PTPRM: variants seen among roughly 807,000 people sequenced by gnomAD.
PTPRM encodes protein tyrosine phosphatase receptor type M.
A neutral mutation model predicts 186.7 loss-of-function variants in PTPRM; 47 were observed. That is an observed-to-expected ratio of 0.25 (90% CI 0.20 to 0.32). The LOEUF is 0.32. Among genes scored for constraint, PTPRM ranks in the 10% least tolerant of loss-of-function variants. The pLI is 1.00. For synonymous variants in PTPRM, 668 were observed against 674.9 expected (o/e 0.99, Z 0.16); for missense variants, 1,494 against 1,865.0 (o/e 0.80, Z 3.66).
chr18:7,691,446 G>A (rs192991460), intron 1 of PTPRM, among the ~76,000 whole-genome samples: 30 of 149,148 alleles, frequency 2.0e-4, no homozygotes, highest in African/African-American at 4.4e-4. Flanking sequence ...ACCGATGTTT[G>A]TGGGAGGAGT....
At chr18:8,225,584 G>A (rs574692788) in intron 14 of PTPRM, among the ~76,000 whole-genome samples, 2 of 152,286 alleles carry the variant, frequency 1.3e-5, no homozygotes, top group Admixed American at 6.5e-5. Context: ...AAGTGGGTCA[G>A]CCGTTGCTTC....
At chr18:7,739,292 T>C (rs760047175) in intron 1 of PTPRM, among the ~76,000 whole-genome samples, 18 of 152,162 alleles carry the variant, frequency 1.2e-4, no homozygotes, top group Admixed American at 1.2e-3. Context: ...AGGATCAGCT[T>C]TGATGATTGC....
intron 1 of PTPRM, among the ~76,000 whole-genome samples, chr18:7,701,984 T>C (rs563053808): frequency 6.6e-6 from 1 of 152,290 alleles, no homozygotes; most frequent in East Asian, 1.9e-4. Context: ...TTGCTGAGAA[T>C]GATGGTTTCC....
Position 8,138,404 on chromosome 18 carries a change from C to T in PTPRM, c.2168-5243C>T, listed in dbSNP as rs150260233. Among the ~76,000 whole-genome samples, 119 of 152,254 alleles carry T rather than the reference C, an allele frequency of 7.8e-4. 1 individual carries two copies. In the East Asian group the frequency reaches 0.016, roughly 21 times the overall value. On this transcript the variant is annotated intron_variant, in intron 13 of 32. Coordinates refer to ENST00000580170, the MANE Select transcript of PTPRM (RefSeq NM_001105244.2). Reference sequence around the variant, plus strand: ...CTTAGCCCCCTTCCAACCCTGTCTTCTGTGTCCTTGGAACTCCTGGTTGGC... The same window carrying T: ...CTTAGCCCCCTTCCAACCCTGTCTTTTGTGTCCTTGGAACTCCTGGTTGGC...
At chr18:8,000,742 A>G (rs1224092908) in intron 7 of PTPRM, among the ~76,000 whole-genome samples, 1 of 152,228 alleles carries the variant, frequency 6.6e-6, no homozygotes, top group East Asian at 1.9e-4. Flanking sequence ...CACACCATAT[A>G]TCATGAAGTC....
intron 32 of PTPRM, among the ~76,000 whole-genome samples, chr18:8,395,674 C>A (rs2095842022): frequency 6.6e-6 from 1 of 152,148 alleles, no homozygotes; most frequent in South Asian, 2.1e-4. Flanking sequence ...ACACTCTCAC[C>A]CATCAGCTGT....
At chr18:7,984,957 TTA>T (rs2082808813) in intron 7 of PTPRM, among the ~76,000 whole-genome samples, 1 of 121,578 alleles carries the variant, frequency 8.2e-6, no homozygotes, top group Admixed American at 9.1e-5. Flanking sequence ...ACATATATAA[TTA>T]TATACATATA....
chr18:8,315,062 A>G lies in PTPRM; in HGVS notation c.2919+205A>G, dbSNP rs146810893. Among the ~76,000 whole-genome samples the G allele has an allele frequency of 0.011, 1,717 of 152,334 alleles. 11 individuals are homozygous for G. The highest frequency in any genetic ancestry group is 0.022 in the African/African-American group (917 of 41,580). On this transcript the variant is annotated intron_variant, in intron 21 of 32. Coordinates refer to ENST00000580170, the MANE Select transcript of PTPRM (RefSeq NM_001105244.2). ...TTGGGCTCAATCTAAAAGCAAACAC[A>G]TGAATATTACCCTGCACACCACAGA... is the stretch of plus-strand genomic sequence containing the variant.
intron 7 of PTPRM, among the ~76,000 whole-genome samples, chr18:8,028,985 T>C (rs2085758339): frequency 1.3e-5 from 2 of 152,250 alleles, no homozygotes. Context: ...AGGAAATGAA[T>C]GTGTAGGTCT....
intron 8 of PTPRM, among the ~76,000 whole-genome samples, chr18:8,070,957 G>T (rs1297250488): frequency 6.6e-6 from 1 of 152,180 alleles, no homozygotes; most frequent in Non-Finnish European, 1.5e-5. Context: ...TTCATTTAAA[G>T]AGCTAAAAAA....
intron 1 of PTPRM, among the ~76,000 whole-genome samples, chr18:7,735,510 C>G (rs181363174): frequency 1.3e-5 from 2 of 152,148 alleles, no homozygotes; most frequent in African/African-American, 4.8e-5. Flanking sequence ...CAGCCTGACT[C>G]TAGTATAACA....
chr18:7,796,817 G>T (rs1355019836), intron 2 of PTPRM, among the ~76,000 whole-genome samples: 2 of 152,222 alleles, frequency 1.3e-5, no homozygotes, highest in Non-Finnish European at 2.9e-5. Context: ...CCTTTGTCCA[G>T]TGGTGCACTG....
chr18:7,928,552 G>A (rs1046139403), intron 5 of PTPRM, among the ~76,000 whole-genome samples: 1 of 152,104 alleles, frequency 6.6e-6, no homozygotes, highest in Non-Finnish European at 1.5e-5. Flanking sequence ...AGAGTATTAA[G>A]CACCTTTTAA....
intron 14 of PTPRM, among the ~76,000 whole-genome samples, chr18:8,198,291 A>C (rs1276313057): frequency 6.6e-6 from 1 of 152,028 alleles, no homozygotes; most frequent in African/African-American, 2.4e-5. Flanking sequence ...GGACCTACAG[A>C]CGTGTACCAC....
At chr18:7,949,149 T>G (rs1378982043) in intron 5 of PTPRM, 32 bp from the exon 6 acceptor site, 2 of 1,532,880 alleles carry the variant, frequency 1.3e-6, no homozygotes, top group Non-Finnish European at 1.8e-6. Flanking sequence ...TTATATTGCT[T>G]CTTTTTGTCC....
chr18:8,093,532 A>G (rs970306055), intron 11 of PTPRM, among the ~76,000 whole-genome samples: 1 of 152,240 alleles, frequency 6.6e-6, no homozygotes, highest in Non-Finnish European at 1.5e-5. Flanking sequence ...TAGAATTCAT[A>G]TAAATTCAGA....
intron 11 of PTPRM, among the ~76,000 whole-genome samples, chr18:8,089,427 A>G (rs2090599484): frequency 1.3e-5 from 2 of 152,288 alleles, no homozygotes; most frequent in South Asian, 2.1e-4. Context: ...TAGCTAAGCA[A>G]TTATAAAGTA....
At chr18:8,071,580 C>A (rs1326461927) in intron 8 of PTPRM, among the ~76,000 whole-genome samples, 2 of 152,174 alleles carry the variant, frequency 1.3e-5, no homozygotes, top group African/African-American at 4.8e-5. Flanking sequence ...CTTCTGTATT[C>A]TTGGCTCATA....
chr18:8,029,187 T>A (rs1240959737), intron 7 of PTPRM, among the ~76,000 whole-genome samples: 1 of 151,614 alleles, frequency 6.6e-6, no homozygotes, highest in Non-Finnish European at 1.5e-5. Flanking sequence ...CTGTCCTGCC[T>A]GGAGTGCCTC....
Sources: gnomAD v4.1 joint callset for allele counts (sites outside exome capture counted in the v4.1 genomes callset) on GRCh38, gnomAD v4.1.1 for gene constraint, MANE v1.5 for transcripts, NCBI Gene and HGNC (gene_info 2026-07-23, HGNC 2026-07-21) for gene names.